Variants in GDNF observed in about 807,000 individuals in gnomAD.
GDNF encodes the protein glial cell line-derived neurotrophic factor.
GDNF carries 5 observed loss-of-function variants against 13.7 expected under a neutral mutation model. That is an observed-to-expected ratio of 0.36 (90% confidence interval 0.19 to 0.77). The LOEUF is 0.77. Ranked by LOEUF, GDNF falls within the 30% of genes least tolerant of loss-of-function variation. GDNF has a pLI of 0.51. For synonymous variants in GDNF, 122 were observed against 112.5 expected (o/e 1.08, Z -0.53); for missense variants, 246 against 274.3 (o/e 0.90, Z 0.73).
intron 2 of GDNF, among the ~76,000 whole-genome samples, chr5:37,818,027 CTT>C (rs1413509801): frequency 1.3e-5 from 2 of 152,330 alleles, no homozygotes; most frequent in East Asian, 3.9e-4. Context: ...GACCTCCTCT[CTT>C]GTTTCTCTTC....
At position 37,838,202 on chromosome 5, in the gene GDNF, G is replaced by C. The variant is rs1228330410; in HGVS notation, c.-27+1305C>G. Among the ~76,000 whole-genome samples the C allele has an allele frequency of 6.6e-6, 1 of 152,060 alleles. No homozygotes were observed. Among genetic ancestry groups the C allele is most frequent in the Non-Finnish European group, 1.5e-5 (1 of 68,024 alleles). On this transcript the variant is annotated intron_variant, in intron 1 of 2. Transcript: ENST00000326524. The surrounding 1 kb of genome is among the most constrained non-coding windows in gnomAD (Gnocchi z 4.1). Reference sequence around the variant, plus strand: ...AACTGGGAAAGCGGTCTGTTTAAAGGGCCAGGTTCCAGGCCCGAGAGCACC... The same window carrying C: ...AACTGGGAAAGCGGTCTGTTTAAAGCGCCAGGTTCCAGGCCCGAGAGCACC...
intron 2 of GDNF, among the ~76,000 whole-genome samples, chr5:37,834,074 C>T (rs947810580): frequency 9.2e-5 from 14 of 152,242 alleles, no homozygotes; most frequent in South Asian, 4.1e-4. Context: ...AGAACCGGAA[C>T]TTTTCTGAAC....
intron 2 of GDNF, among the ~76,000 whole-genome samples, chr5:37,822,343 T>C (rs1427265070): frequency 1.3e-5 from 2 of 152,188 alleles, no homozygotes; most frequent in Admixed American, 1.3e-4. Context: ...GCCTTGCTAC[T>C]TCACTATAGT....
Position 37,839,217 on chromosome 5 carries a change from G to C in GDNF, c.-27+290C>G, listed in dbSNP as rs1326773909. ...AAGAGCACCTGGCCGAGTCGGGGAA[G>C]GAAACTGCCCCTCTTGGGCATTCCG... On this transcript the variant is annotated intron_variant, in intron 1 of 2. Transcript: ENST00000326524. The surrounding 1 kb of genome is among the most constrained non-coding windows in gnomAD (Gnocchi z 5.5). Among the ~76,000 whole-genome samples, 3 of 152,174 alleles carry C rather than the reference G, an allele frequency of 2.0e-5. No individual in the cohort carries two copies. The highest frequency in any genetic ancestry group is 2.0e-4 in the Admixed American group (3 of 15,288).
chr5:37,833,367 TTGAC>T (rs1190671078), intron 2 of GDNF, among the ~76,000 whole-genome samples: 3 of 152,226 alleles, frequency 2.0e-5, no homozygotes, highest in African/African-American at 7.2e-5. Flanking sequence ...ATACAGTTAA[TTGAC>T]AGACACTCTT....
At position 37,815,497 on chromosome 5, in the gene GDNF, TC is replaced by T; in HGVS notation, c.*153del. 1 of 703,762 alleles carries T rather than the reference TC, an allele frequency of 1.4e-6. No individual in the cohort carries two copies. The highest frequency in any genetic ancestry group is 2.5e-6 in the Non-Finnish European group (1 of 400,664). 43.6% of individuals were successfully genotyped at this position (703,762 alleles called of 1,614,324 possible). On this transcript the variant is annotated 3_prime_UTR_variant, in exon 3 of 3. Coordinates refer to ENST00000326524, the MANE Select transcript of GDNF (RefSeq NM_000514.4). The surrounding 1 kb of genome is among the most constrained non-coding windows in gnomAD (Gnocchi z 5.0). ...CCCATGATGGCTGCCTTCCTCCTCC[TC>T]CTCCTCCTCCTCCTCCTCCTCCTCT...
rs944493852 is a variant in GDNF, at chr5:37,815,589, C to A, written c.*62G>T. 37 of 1,521,372 alleles carry A rather than the reference C, an allele frequency of 2.4e-5. No homozygotes were observed. Among genetic ancestry groups the A allele is most frequent in the African/African-American group, 5.6e-5 (4 of 71,582 alleles). The allele number at this position is 1,521,372 out of a possible 1,614,324, so 94.2% of individuals were successfully genotyped here. ...ATTCTGGGCAAACATTTCCTGGGAA[C>A]CTTGGTCCCTTTCTTTGCACTGTAG... On this transcript the variant is annotated 3_prime_UTR_variant, in exon 3 of 3. Coordinates refer to ENST00000326524, the MANE Select transcript of GDNF (RefSeq NM_000514.4). The surrounding 1 kb of genome is among the most constrained non-coding windows in gnomAD (Gnocchi z 5.0).
chr5:37,831,161 T>C (rs1750509798), intron 2 of GDNF, among the ~76,000 whole-genome samples: 1 of 152,172 alleles, frequency 6.6e-6, no homozygotes, highest in Admixed American at 6.5e-5. Context: ...TAATTACAAC[T>C]TAACGATGCT....
chr5:37,817,604 A>AGTGTT (rs1554020358), intron 2 of GDNF, among the ~76,000 whole-genome samples: 1 of 149,560 alleles, frequency 6.7e-6, no homozygotes, highest in Non-Finnish European at 1.5e-5. Flanking sequence ...GTGTGTGTAG[A>AGTGTT]GTGTGTGTGT....
At chr5:37,836,198 ATT>A (rs3841137) in intron 1 of GDNF, among the ~76,000 whole-genome samples, 15,193 of 150,200 alleles carry the variant, frequency 0.1, 847 homozygotes, top group East Asian at 0.22. Flanking sequence ...GAAAAACTCG[ATT>A]TTTTTTTTCC....
Position 37,834,714 on chromosome 5 carries a change from G to A in GDNF, c.83C>T (p.Pro28Leu), listed in dbSNP as rs1750639887. Residue 28 changes from proline to leucine, a missense_variant, in exon 2 of 3, where the codon CCT becomes CTT. Coordinates refer to ENST00000326524, the MANE Select transcript of GDNF (RefSeq NM_000514.4). Reference protein sequence around the residue: ...SAFPLPAGKRPPEAPAEDRSL... With the variant: ...SAFPLPAGKRLPEAPAEDRSL... ...GCGGTCTTCGGCGGGCGCCTCGGGA[G>A]GCCTCTTACCGGCGGGCAGCGGGAA... 1 of 1,611,376 alleles carries A rather than the reference G, an allele frequency of 6.2e-7. No individual in the cohort carries two copies.
At chr5:37,832,344 G>A (rs1023293456) in intron 2 of GDNF, among the ~76,000 whole-genome samples, 4 of 152,208 alleles carry the variant, frequency 2.6e-5, no homozygotes, top group African/African-American at 7.2e-5. Flanking sequence ...TGACAGAGGC[G>A]TGTTGACACT....
chr5:37,821,005 G>A (rs1688513990), intron 2 of GDNF, among the ~76,000 whole-genome samples: 1 of 152,138 alleles, frequency 6.6e-6, no homozygotes, highest in Non-Finnish European at 1.5e-5. Context: ...CCAGGAAAGG[G>A]CAACATTGTA....
intron 2 of GDNF, among the ~76,000 whole-genome samples, chr5:37,816,744 A>C (rs1749944213): frequency 1.3e-5 from 2 of 152,166 alleles, no homozygotes; most frequent in African/African-American, 4.8e-5. Flanking sequence ...GGCTACCTTC[A>C]TCTGGAATAC....
At chr5:37,827,800 G>A (rs1342519237) in intron 2 of GDNF, among the ~76,000 whole-genome samples, 1 of 152,220 alleles carries the variant, frequency 6.6e-6, no homozygotes, top group African/African-American at 2.4e-5. Flanking sequence ...ATAGGCAGGT[G>A]CAAAGTTTTG....
intron 2 of GDNF, among the ~76,000 whole-genome samples, chr5:37,817,171 A>C (rs1749962771): frequency 6.6e-6 from 1 of 152,234 alleles, no homozygotes; most frequent in Non-Finnish European, 1.5e-5. Context: ...AAGATGTCTG[A>C]GACCTTTGGT....
At chr5:37,826,270 AT>A (rs1750310586) in intron 2 of GDNF, among the ~76,000 whole-genome samples, 1 of 152,254 alleles carries the variant, frequency 6.6e-6, no homozygotes, top group East Asian at 1.9e-4. Context: ...CACAGAAAGT[AT>A]TTCACAAATG....
chr5:37,817,044 C>T (rs150938704), intron 2 of GDNF, among the ~76,000 whole-genome samples: 2 of 152,218 alleles, frequency 1.3e-5, no homozygotes, highest in Non-Finnish European at 2.9e-5. Context: ...GCAGCCCTGC[C>T]CCCAAGGGTG....
chr5:37,814,364 T>A lies in GDNF; in HGVS notation c.*1287A>T, dbSNP rs1263094233. 1 of 152,234 alleles carries A rather than the reference T, an allele frequency of 6.6e-6. No individual in the cohort carries two copies. The highest frequency in any genetic ancestry group is 1.5e-5 in the Non-Finnish European group (1 of 68,010). The allele number at this position is 152,234 out of a possible 1,614,324, so 9.4% of individuals were successfully genotyped here. A position where few individuals can be genotyped will look rare whatever the true frequency, so the allele number is the denominator to read the frequency against. ...GCAATGGAGCAAGGAAGAAATAAAG[T>A]CAAGTGCCAGTGGTCTCTGCACGCT... is the stretch of plus-strand genomic sequence containing the variant. On this transcript the variant is annotated 3_prime_UTR_variant, in exon 3 of 3. Coordinates refer to ENST00000326524, the MANE Select transcript of GDNF (RefSeq NM_000514.4).
Sources: allele counts gnomAD v4.1 joint callset (sites outside exome capture counted in the v4.1 genomes callset), GRCh38; gene constraint gnomAD v4.1.1; non-coding constraint Gnocchi (gnomAD v3.1); transcripts MANE v1.5; gene names NCBI Gene and HGNC (gene_info 2026-07-23, HGNC 2026-07-21).